The following SORCS1 variants were observed in gnomAD, a reference collection of about 807,000 sequenced individuals.
The protein encoded by SORCS1 is VPS10 domain-containing receptor SorCS1.
A neutral mutation model predicts 146.1 loss-of-function variants in SORCS1; 60 were observed. That is an observed-to-expected ratio of 0.41 (90% CI 0.33 to 0.51). The LOEUF is 0.51. Among genes scored for constraint, SORCS1 ranks in the 20% least tolerant of loss-of-function variants. The probability of loss-of-function intolerance (pLI) is 0.21; values close to 1 mark genes in which losing one functional copy is unlikely to be tolerated. For synonymous variants in SORCS1, 637 were observed against 584.0 expected (o/e 1.09, Z -1.31); for missense variants, 1,352 against 1,487.6 (o/e 0.91, Z 1.50).
chr10:106,799,549 C>A (rs1434028617), intron 3 of SORCS1, among the ~76,000 whole-genome samples: 1 of 152,096 alleles, frequency 6.6e-6, no homozygotes, highest in African/African-American at 2.4e-5. Context: ...AAACAAACAA[C>A]CCCATCAAAA....
chr10:107,045,781 CTT>C (rs1313801610), intron 1 of SORCS1, among the ~76,000 whole-genome samples: 1,469 of 130,108 alleles, frequency 0.011, 8 homozygotes, highest in South Asian at 0.029. Context: ...TATATATCTT[CTT>C]TTTTTTTTTT....
intron 1 of SORCS1, among the ~76,000 whole-genome samples, chr10:106,987,796 A>G (rs12264476): frequency 0.055 from 8,389 of 152,218 alleles, 584 homozygotes; most frequent in African/African-American, 0.17. Context: ...TTAAAATAAC[A>G]ACCCTGTCTT....
At chr10:106,891,633 GAGATTAC>G (rs1464226149) in intron 2 of SORCS1, among the ~76,000 whole-genome samples, 3 of 151,724 alleles carry the variant, frequency 2.0e-5, no homozygotes, top group Non-Finnish European at 4.4e-5. Context: ...CCAAGTCACT[GAGATTAC>G]AGGCATGAAC....
intron 24 of SORCS1, among the ~76,000 whole-genome samples, chr10:106,584,536 C>A (rs1366275137): frequency 6.6e-6 from 1 of 152,122 alleles, no homozygotes; most frequent in African/African-American, 2.4e-5. Flanking sequence ...TAATGAGAGA[C>A]TTTCTACTAG....
At chr10:107,091,666 T>C (rs1964186467) in intron 1 of SORCS1, among the ~76,000 whole-genome samples, 3 of 152,216 alleles carry the variant, frequency 2.0e-5, no homozygotes, top group African/African-American at 4.8e-5. Context: ...CGAGATTCAA[T>C]CATCTTCTGA....
At chr10:107,047,788 T>C (rs1320111986) in intron 1 of SORCS1, among the ~76,000 whole-genome samples, 1 of 152,014 alleles carries the variant, frequency 6.6e-6, no homozygotes, top group Non-Finnish European at 1.5e-5. Flanking sequence ...CATACCCCTG[T>C]TTAGGAAGCT....
chr10:106,823,576 G>T (rs888805222), intron 3 of SORCS1, among the ~76,000 whole-genome samples: 2 of 152,284 alleles, frequency 1.3e-5, no homozygotes, highest in East Asian at 3.9e-4. Flanking sequence ...CCTATGCTCG[G>T]CACGTTAAAG....
intron 19 of SORCS1, among the ~76,000 whole-genome samples, chr10:106,628,900 G>C (rs984955912): frequency 6.6e-6 from 1 of 152,138 alleles, no homozygotes; most frequent in African/African-American, 2.4e-5. Flanking sequence ...CAACCAAATA[G>C]CTCTGCAAGT....
chr10:107,082,299 G>A (rs1348412867), intron 1 of SORCS1, among the ~76,000 whole-genome samples: 1 of 152,106 alleles, frequency 6.6e-6, no homozygotes, highest in Non-Finnish European at 1.5e-5. Flanking sequence ...TTTAAGAGGA[G>A]ATTTTTGTTT....
chr10:106,740,092 G>T (rs1857261868), intron 5 of SORCS1, among the ~76,000 whole-genome samples: 1 of 152,156 alleles, frequency 6.6e-6, no homozygotes. Flanking sequence ...GCAAGGGGGG[G>T]AAATTAGGCA....
chr10:107,129,364 G>A (rs1053968849), intron 1 of SORCS1, among the ~76,000 whole-genome samples: 2 of 152,324 alleles, frequency 1.3e-5, no homozygotes, highest in East Asian at 1.9e-4. Flanking sequence ...GCTCAAGCGA[G>A]AGCTGCCAGT....
chr10:107,168,666 CTT>C (rs57998261), upstream of SORCS1, among the ~76,000 whole-genome samples: 800 of 119,234 alleles, frequency 6.7e-3, 9 homozygotes, highest in African/African-American at 0.018. Flanking sequence ...CAGCTCATGC[CTT>C]TTTTTTTTTT....
At chr10:107,127,897 G>A (rs1447541622) in intron 1 of SORCS1, among the ~76,000 whole-genome samples, 1 of 152,214 alleles carries the variant, frequency 6.6e-6, no homozygotes, top group Non-Finnish European at 1.5e-5. Flanking sequence ...TTTACTAGCT[G>A]TGTGAACTTT....
chr10:107,056,036 T>A (rs1590035403), intron 1 of SORCS1, among the ~76,000 whole-genome samples: 1 of 152,308 alleles, frequency 6.6e-6, no homozygotes, highest in East Asian at 1.9e-4. Flanking sequence ...AACCCAGTAG[T>A]TTCTTTATGA....
At chr10:107,065,435 C>CTTTCTT (rs1961684174) in intron 1 of SORCS1, among the ~76,000 whole-genome samples, 1 of 147,666 alleles carries the variant, frequency 6.8e-6, no homozygotes, top group African/African-American at 2.5e-5. Context: ...TTCTTTCTTT[C>CTTTCTT]TTTCTTTCTT....
intron 2 of SORCS1, among the ~76,000 whole-genome samples, chr10:106,875,880 G>A (rs1355295390): frequency 6.6e-6 from 1 of 152,120 alleles, no homozygotes; most frequent in Non-Finnish European, 1.5e-5. Flanking sequence ...AAGTAGGGAG[G>A]CCAGTTAAGT....
chr10:107,144,781 A>G (rs575640622), intron 1 of SORCS1, among the ~76,000 whole-genome samples: 2 of 152,364 alleles, frequency 1.3e-5, no homozygotes, highest in South Asian at 2.1e-4. Flanking sequence ...ACCTATCAAT[A>G]TAAGAGTGGT....
intron 16 of SORCS1, among the ~76,000 whole-genome samples, chr10:106,669,993 A>T (rs1255633578): frequency 6.6e-6 from 1 of 152,256 alleles, no homozygotes; most frequent in Non-Finnish European, 1.5e-5. Context: ...TTCAATATGT[A>T]ACCTGAGGTT....
At chr10:107,102,566 T>C (rs1435425767) in intron 1 of SORCS1, among the ~76,000 whole-genome samples, 4 of 152,204 alleles carry the variant, frequency 2.6e-5, no homozygotes, top group African/African-American at 9.7e-5. Flanking sequence ...AGGTGCTTTA[T>C]TTTGCTTCCT....
Sources: allele counts gnomAD v4.1 joint callset (sites outside exome capture counted in the v4.1 genomes callset), GRCh38; gene constraint gnomAD v4.1.1; transcripts MANE v1.5; gene names NCBI Gene and HGNC (gene_info 2026-07-23, HGNC 2026-07-21).